The following AP4M1 variants were observed in gnomAD, a reference collection of about 807,000 sequenced individuals.
The protein encoded by AP4M1 is AP-4 complex subunit mu-1.
Under a neutral mutation model 62.4 loss-of-function variants are expected in AP4M1, and 58 were observed. That is an observed-to-expected ratio of 0.93 (90% CI 0.75 to 1.16). The LOEUF (loss-of-function observed/expected upper bound fraction) is 1.16. Ranked by LOEUF, AP4M1 falls within the 50% of genes most tolerant of loss-of-function variation. The probability of loss-of-function intolerance (pLI) is 0.00; values close to 1 mark genes in which losing one functional copy is unlikely to be tolerated. For synonymous variants in AP4M1, 290 were observed against 239.7 expected, an observed-to-expected ratio of 1.21 and a Z score of -1.94; for missense variants, 626 against 585.4, an observed-to-expected ratio of 1.07 and a Z score of -0.72.
At chr7:100,105,912 G>A (rs1406501160) in intron 11 of AP4M1, 47 bp from the exon 12 acceptor site, 1 of 1,608,732 alleles carries the variant, frequency 6.2e-7, no homozygotes, top group East Asian at 2.2e-5. Flanking sequence ...ATGGTGAGAT[G>A]CCAGTAGAAG....
intron 1 of AP4M1, 47 bp downstream of exon 1, chr7:100,101,819 GA>G: frequency 1.3e-6 from 2 of 1,558,524 alleles, no homozygotes; most frequent in Non-Finnish European, 1.8e-6. Context: ...GGCCGGGCGG[GA>G]GGGGCGCCCA....
Position 100,105,353 on chromosome 7 carries a change from G to A in AP4M1, c.834+7G>A, listed in dbSNP as rs1796375007. 1 of 1,613,984 alleles carries A rather than the reference G, an allele frequency of 6.2e-7. No homozygotes were observed. The highest frequency in any genetic ancestry group is 1.1e-5 in the South Asian group (1 of 91,082). Reference sequence around the variant, plus strand: ...GCAACCACCTCAGGGCGAGGTCAGGGTTGGGGTGGCCTCATAAATTCCGTC... The same window carrying A: ...GCAACCACCTCAGGGCGAGGTCAGGATTGGGGTGGCCTCATAAATTCCGTC... On this transcript the variant is annotated splice_region_variant and intron_variant, in intron 10 of 14. Coordinates refer to ENST00000359593, the MANE Select transcript of AP4M1 (RefSeq NM_004722.4).
At chr7:100,101,002 G>A (rs1795986294), upstream of AP4M1, 7 of 844,626 alleles carry the variant, frequency 8.3e-6, no homozygotes, top group South Asian at 1.3e-4. Context: ...CCCCAGCCGG[G>A]TTAGCGCGCC....
chr7:100,100,913 C>T, upstream of AP4M1: 31 of 1,061,986 alleles, frequency 2.9e-5, no homozygotes, highest in Non-Finnish European at 3.4e-5. Context: ...TGCCCAAAAG[C>T]GCGAAGGAAA....
intron 6 of AP4M1, among the ~76,000 whole-genome samples, 192 bp from the exon 7 acceptor site, chr7:100,103,900 A>AAG (rs1358488124): frequency 3.3e-5 from 5 of 150,912 alleles, no homozygotes; most frequent in Non-Finnish European, 7.4e-5. Context: ...AAAAAAAAAA[A>AAG]AAAAAAGAAA....
In AP4M1 at chr7:100,106,485, G is replaced by A; in HGVS notation, c.1108G>A (p.Gly370Arg). The change falls in exon 14 of 15, where the codon GGA becomes AGA. Residue 370 changes from glycine to arginine, a missense_variant. Gly to Arg is a moderately radical substitution (Grantham distance 125). Coordinates refer to ENST00000359593, the MANE Select transcript of AP4M1 (RefSeq NM_004722.4). ...TCGCTGGGACCTGCCTCGGGTGCAA[G>A]GAGGCTCTCAACTCTCAGGCCTTTT... ...ALRWDLPRVQ[G>R]GSQLSGLFQM... 1 of 1,613,724 alleles carries A rather than the reference G, an allele frequency of 6.2e-7. No individual in the cohort carries two copies. The highest frequency in any genetic ancestry group is 1.3e-5 in the African/African-American group (1 of 75,046).
In AP4M1 at chr7:100,107,616, G is replaced by T; in HGVS notation, c.*734G>T. The T allele has an allele frequency of 6.2e-7, 1 of 1,612,700 alleles. No individual in the cohort carries two copies. Among genetic ancestry groups the T allele is most frequent in the Non-Finnish European group, 8.5e-7 (1 of 1,179,654 alleles). On this transcript the variant is annotated 3_prime_UTR_variant, in exon 15 of 15. Coordinates refer to ENST00000359593, the MANE Select transcript of AP4M1 (RefSeq NM_004722.4). ...TGAGCCGGGGGCCGAGGTGCTGAGG[G>T]ACAGGACCTGGATAGAAAGGAAAGG...
rs766717023 is a variant in AP4M1 at position 100,105,428 on chromosome 7, GC to G, written c.835-16del. The G allele has an allele frequency of 6.2e-7, 1 of 1,613,530 alleles. No homozygotes were observed. The highest frequency in any genetic ancestry group is 2.2e-5 in the East Asian group (1 of 44,886). On this transcript the variant is annotated splice_polypyrimidine_tract_variant and intron_variant, in intron 10 of 14. Coordinates refer to ENST00000359593, the MANE Select transcript of AP4M1 (RefSeq NM_004722.4). The stretch of plus-strand genomic sequence containing the variant: ...GTCGTGAGACCAAACTAACCTTGTT[GC>G]TCTCTGGTCTCTCAGCTGACTGTGA...
rs1019122051 is a variant in AP4M1 at position 100,107,265 on chromosome 7, G to C, written c.*383G>C. The C allele has an allele frequency of 6.6e-7, 1 of 1,523,860 alleles. No homozygotes were observed. The highest frequency in any genetic ancestry group is 1.4e-5 in the African/African-American group (1 of 71,818). The allele number at this position is 1,523,860 out of a possible 1,614,324, so 94.4% of individuals were successfully genotyped here. The stretch of plus-strand genomic sequence containing the variant: ...GGAGCATCACGGAGCAGGCTGAGGG[G>C]AGCCGGAGTTGGGCTGGGAGCCATT... On this transcript the variant is annotated 3_prime_UTR_variant, in exon 15 of 15. Coordinates refer to ENST00000359593, the MANE Select transcript of AP4M1 (RefSeq NM_004722.4).
In AP4M1 at chr7:100,107,758, G is replaced by C. The variant is rs1371776026; in HGVS notation, c.*876G>C. On this transcript the variant is annotated 3_prime_UTR_variant, in exon 15 of 15. Coordinates refer to ENST00000359593, the MANE Select transcript of AP4M1 (RefSeq NM_004722.4). ...CACCCTGTAGACAGCTATGGCTGGA[G>C]ACCTTGTTCATGCAGGGCAGCTACA... The C allele has an allele frequency of 2.8e-6, 4 of 1,425,838 alleles. No individual in the cohort carries two copies. The East Asian group carries it at 9.7e-5, about 35-fold the overall frequency. 88.3% of individuals were successfully genotyped at this position (1,425,838 alleles called of 1,614,324 possible). A position where few individuals can be genotyped will look rare whatever the true frequency, so the allele number is the denominator to read the frequency against.
rs4134925 is a variant in AP4M1, at chr7:100,107,735, C to T, written c.*853C>T. 0.043 allele frequency: 63,579 copies of T among 1,478,738 alleles called. 1,412 individuals are homozygous for T. Among genetic ancestry groups the T allele is most frequent in the Middle Eastern group, 0.052 (214 of 4,090 alleles). The allele number at this position is 1,478,738 out of a possible 1,614,324, so 91.6% of individuals were successfully genotyped here. ...CTGAACAAGTTGTTCCTGTAGTTCA[C>T]CCTGTAGACAGCTATGGCTGGAGAC... On this transcript the variant is annotated 3_prime_UTR_variant, in exon 15 of 15. Transcript: ENST00000359593.
Position 100,106,463 on chromosome 7 carries a change from C to T in AP4M1, c.1086C>T (p.Arg362=). 4 of 1,613,888 alleles carry T rather than the reference C, an allele frequency of 2.5e-6. No homozygotes were observed. The highest frequency in any genetic ancestry group is 3.4e-6 in the Non-Finnish European group (4 of 1,180,024). Residue 362 remains arginine (R), a synonymous_variant, in exon 14 of 15, where the codon CGC becomes CGT. Transcript: ENST00000359593. ...QKAELAEGAL[R]WDLPRVQGGS... Reference sequence around the variant, plus strand: ...CTGAGCTGGCAGAGGGAGCCCTTCGCTGGGACCTGCCTCGGGTGCAAGGAG... The same window carrying T: ...CTGAGCTGGCAGAGGGAGCCCTTCGTTGGGACCTGCCTCGGGTGCAAGGAG...
upstream of AP4M1, chr7:100,101,469 A>T (rs962019494): frequency 4.7e-6 from 4 of 856,266 alleles, no homozygotes; most frequent in African/African-American, 3.4e-5. Context: ...GGCCTTCTTC[A>T]CCTCCCGCTA....
chr7:100,103,278 A>G, intron 4 of AP4M1, 131 bp from the exon 5 acceptor site: 1 of 817,660 alleles, frequency 1.2e-6, no homozygotes, highest in South Asian at 1.4e-5. Context: ...TCATGGCCTC[A>G]AGCCATTCTC....
In AP4M1 at chr7:100,106,661, G is replaced by A. The variant is rs1477684921; in HGVS notation, c.1141G>A (p.Asp381Asn). The change falls in exon 15 of 15, where the codon GAC becomes AAC. Residue 381 changes from aspartate (D) to asparagine (N), a missense_variant. Asp to Asn is a conservative substitution (Grantham distance 23). Transcript: ENST00000359593. The stretch of plus-strand genomic sequence containing the variant: ...TCCCTGCCTCTGCCCCTCACAGATG[G>A]ACGTCCCAGGGCCCCCAGGACCTCC... ...GSQLSGLFQM[D>N]VPGPPGPPSH... The A allele has an allele frequency of 4.3e-6, 7 of 1,612,120 alleles. No individual in the cohort carries two copies. Among genetic ancestry groups the A allele is most frequent in the Non-Finnish European group, 8.5e-7 (1 of 1,179,584 alleles).
chr7:100,105,590 C>A (rs1796400669), intron 11 of AP4M1, 51 bp downstream of exon 11: 1 of 1,530,392 alleles, frequency 6.5e-7, no homozygotes, highest in Non-Finnish European at 9.0e-7. Flanking sequence ...AAGCCAAGAC[C>A]TGTATGTTCC....
intron 11 of AP4M1, among the ~76,000 whole-genome samples, 171 bp from the exon 12 acceptor site, chr7:100,105,788 A>G (rs1386492347): frequency 3.3e-5 from 5 of 151,854 alleles, no homozygotes; most frequent in African/African-American, 4.8e-5. Context: ...CTCTCTGAAA[A>G]AAAAAAAAAG....
chr7:100,101,589 C>G (rs1321860581), upstream of AP4M1: 9 of 1,068,190 alleles, frequency 8.4e-6, no homozygotes, highest in East Asian at 4.8e-5. Context: ...TCCCGCGGTC[C>G]GAGCTGGCGC....
chr7:100,101,909 G>T lies in AP4M1; in HGVS notation c.88G>T (p.Ala30Ser), dbSNP rs779223649. 6.2e-7 allele frequency: 1 copy of T among 1,613,042 alleles called. No homozygotes were observed. Among genetic ancestry groups the T allele is most frequent in the South Asian group, 1.1e-5 (1 of 91,084 alleles). The stretch of plus-strand genomic sequence containing the variant: ...CGGGGACAGTGGCGGCCGGGATGTG[G>T]CCGAGCTCTTCTACCGGAAGCTGAC... ...FRGDSGGRDV[A>S]ELFYRKLTGL... Residue 30 changes from alanine to serine, a missense_variant, in exon 2 of 15, where the codon GCC (alanine) becomes TCC (serine). By Grantham distance (99) the Ala-to-Ser change is moderately conservative (BLOSUM62 1). Transcript: ENST00000359593.
Sources: allele counts gnomAD v4.1 joint callset (sites outside exome capture counted in the v4.1 genomes callset), GRCh38; gene constraint gnomAD v4.1.1; transcripts MANE v1.5; gene names NCBI Gene and HGNC (gene_info 2026-07-23, HGNC 2026-07-21).